The following KLRF1 variants were observed in gnomAD, a reference collection of about 807,000 sequenced individuals.
KLRF1 encodes killer cell lectin like receptor F1, also known as killer cell lectin-like receptor subfamily F member 1.
Under a neutral mutation model 30.7 loss-of-function variants are expected in KLRF1, and 27 were observed. The observed-to-expected ratio is 0.88, with a 90% CI of 0.65 to 1.21. KLRF1 has a LOEUF of 1.21. Ranked by LOEUF, KLRF1 falls within the 50% of genes most tolerant of loss-of-function variation. The probability of loss-of-function intolerance (pLI) is 0.00; values close to 1 mark genes in which losing one functional copy is unlikely to be tolerated. For synonymous variants in KLRF1, 92 were observed against 89.3 expected, an observed-to-expected ratio of 1.03 and a Z score of -0.17; for missense variants, 246 against 259.3, an observed-to-expected ratio of 0.95 and a Z score of 0.35.
At chr12:9,810,919 G>A in the KLRF1 span, among the ~76,000 whole-genome samples, 1 of 152,158 alleles carries the variant, frequency 6.6e-6, no homozygotes, top group African/African-American at 2.4e-5. Flanking sequence ...TCTGGGAGTT[G>A]GAGGTTGCAG....
In KLRF1 at chr12:9,837,579, G is replaced by GTCC. The variant is rs1867606589; in HGVS notation, c.334+4129_334+4131dup. Reference sequence around the variant, plus strand: ...CAGGATTATGTGGGAGCTTTCCAAAGTCCTTATTCATGAAACAGCTCATTC... The same window carrying GTCC: ...CAGGATTATGTGGGAGCTTTCCAAAGTCCTCCTTATTCATGAAACAGCTCATTC... On this transcript the variant is annotated intron_variant, in intron 3 of 5. Transcript: ENST00000617889. 2.0e-5 allele frequency among the ~76,000 whole-genome samples: 3 copies of GTCC among 152,220 alleles called. No homozygotes were observed. In the East Asian group the frequency reaches 5.8e-4, roughly 29 times the overall value.
upstream of KLRF1, among the ~76,000 whole-genome samples, chr12:9,824,638 T>C (rs934900224): frequency 6.6e-6 from 1 of 152,114 alleles, no homozygotes; most frequent in Non-Finnish European, 1.5e-5. Flanking sequence ...GAGAAAGAAA[T>C]GAAGGGCATC....
At chr12:9,816,805 C>T in the KLRF1 span, among the ~76,000 whole-genome samples, 1 of 150,292 alleles carries the variant, frequency 6.7e-6, no homozygotes, top group Non-Finnish European at 1.5e-5. Context: ...GCGATCTCGG[C>T]TCACTGCAAT....
At chr12:9,842,075 A>G (rs1188286834) in intron 4 of KLRF1, 124 bp downstream of exon 4, 1 of 1,115,682 alleles carries the variant, frequency 9.0e-7, no homozygotes, top group Non-Finnish European at 1.3e-6. Flanking sequence ...CACCCTCTTA[A>G]ATTTTGTATT....
At chr12:9,835,340 A>G (rs1012428225) in intron 3 of KLRF1, among the ~76,000 whole-genome samples, 1 of 152,030 alleles carries the variant, frequency 6.6e-6, no homozygotes, top group African/African-American at 2.4e-5. Flanking sequence ...ACTCCTGGGG[A>G]TCCAGCTAGG....
intron 3 of KLRF1, among the ~76,000 whole-genome samples, chr12:9,836,645 C>T (rs948792517): frequency 3.3e-5 from 5 of 151,988 alleles, no homozygotes; most frequent in Admixed American, 1.3e-4. Context: ...TCTACTAGTT[C>T]GTATTTCCTC....
At chr12:9,831,668 C>T (rs990275093) in intron 1 of KLRF1, among the ~76,000 whole-genome samples, 7 of 152,124 alleles carry the variant, frequency 4.6e-5, no homozygotes, top group Non-Finnish European at 1.0e-4. Context: ...ATGAGACTCT[C>T]TACTGTCTGT....
intron 3 of KLRF1, among the ~76,000 whole-genome samples, chr12:9,841,349 A>G (rs1183471281): frequency 6.6e-6 from 1 of 152,052 alleles, no homozygotes; most frequent in African/African-American, 2.4e-5. Context: ...ATCAGAACAA[A>G]TAACTAATGG....
At chr12:9,838,145 G>A (rs1326260608) in intron 3 of KLRF1, among the ~76,000 whole-genome samples, 1 of 152,100 alleles carries the variant, frequency 6.6e-6, no homozygotes, top group Non-Finnish European at 1.5e-5. Flanking sequence ...CTGTATCCAT[G>A]AACGGCAGGA....
chr12:9,817,638 GC>G, the KLRF1 span: 1 of 281,278 alleles, frequency 3.6e-6, no homozygotes. Flanking sequence ...TCCCTTACCA[GC>G]AGGTGTTACA....
chr12:9,826,344 C>A (rs1867282137), upstream of KLRF1, among the ~76,000 whole-genome samples: 1 of 152,062 alleles, frequency 6.6e-6, no homozygotes, highest in South Asian at 2.1e-4. Context: ...CCATCTCATA[C>A]CAGTCGAATG....
intron 2 of KLRF1, among the ~76,000 whole-genome samples, chr12:9,832,893 G>C (rs1450157508): frequency 6.6e-6 from 1 of 152,058 alleles, no homozygotes; most frequent in African/African-American, 2.4e-5. Context: ...TTTAAGAAAA[G>C]AATAGTCAGG....
upstream of KLRF1, among the ~76,000 whole-genome samples, chr12:9,824,027 A>T (rs1028426914): frequency 1.3e-5 from 2 of 152,194 alleles, no homozygotes; most frequent in African/African-American, 2.4e-5. Context: ...ATGGATTCAC[A>T]GCCAAATTCT....
chr12:9,815,231 G>A, the KLRF1 span, among the ~76,000 whole-genome samples: 2 of 152,138 alleles, frequency 1.3e-5, no homozygotes, highest in Non-Finnish European at 2.9e-5. Flanking sequence ...AACTTGACAA[G>A]GCAAATCCTA....
upstream of KLRF1, among the ~76,000 whole-genome samples, chr12:9,824,150 T>G (rs1322456698): frequency 6.6e-6 from 1 of 151,728 alleles, no homozygotes; most frequent in Non-Finnish European, 1.5e-5. Context: ...ATACCAAAAC[T>G]GGCAGAAGCA....
the KLRF1 span, among the ~76,000 whole-genome samples, chr12:9,822,031 A>C: frequency 6.6e-6 from 1 of 152,260 alleles, no homozygotes; most frequent in Non-Finnish European, 1.5e-5. Context: ...TGCAATCTAC[A>C]TCATGGCTAA....
intron 5 of KLRF1, 145 bp from the exon 6 acceptor site, chr12:9,844,273 A>G (rs1333501075): frequency 3.9e-6 from 2 of 518,556 alleles, no homozygotes; most frequent in East Asian, 7.0e-5. Flanking sequence ...AGTTACAGTT[A>G]CTGTAATCGT....
intron 1 of KLRF1, among the ~76,000 whole-genome samples, chr12:9,831,110 CT>C (rs1867414163): frequency 6.6e-6 from 1 of 151,910 alleles, no homozygotes; most frequent in African/African-American, 2.4e-5. Flanking sequence ...CCTTCCACAA[CT>C]TTTTTTCCTA....
At chr12:9,806,238 A>G in the KLRF1 span, among the ~76,000 whole-genome samples, 1 of 151,754 alleles carries the variant, frequency 6.6e-6, no homozygotes, top group African/African-American at 2.4e-5. Flanking sequence ...TTTATTTTTC[A>G]TTTATCTCAA....
Sources: gnomAD v4.1 joint callset for allele counts (sites outside exome capture counted in the v4.1 genomes callset) on GRCh38, gnomAD v4.1.1 for gene constraint, MANE v1.5 for transcripts, NCBI Gene and HGNC (gene_info 2026-07-23, HGNC 2026-07-21) for gene names.